ITSN1: variants seen among roughly 807,000 people sequenced by gnomAD.
ITSN1 encodes the protein intersectin-1.
A neutral mutation model predicts 239.8 loss-of-function variants in ITSN1; 58 were observed. The observed-to-expected ratio is 0.24, with a 90% CI of 0.20 to 0.30. ITSN1 has a LOEUF of 0.30. Ranked by LOEUF, ITSN1 falls within the 10% of genes least tolerant of loss-of-function variation. ITSN1 has a pLI of 1.00. For missense variants in ITSN1, 1,558 were observed against 2,103.3 expected (o/e 0.74, Z 5.07); for synonymous variants, 780 against 770.8 (o/e 1.01, Z -0.20).
rs562314559 is a variant in ITSN1, at chr21:33,699,061, G to A, written c.-32-19736G>A. On this transcript the variant is annotated intron_variant, in intron 1 of 39. Coordinates refer to ENST00000381318, the MANE Select transcript of ITSN1 (RefSeq NM_003024.3). ...ATATAGATAGATTAATACCTGAAAC[G>A]AAACCCTAACAACTCTCAAATATCA... Among the ~76,000 whole-genome samples the A allele has an allele frequency of 1.3e-3, 193 of 152,172 alleles. 1 individual carries two copies. The highest frequency in any genetic ancestry group is 3.3e-3 in the Admixed American group (50 of 15,290).
chr21:33,682,434 C>A (rs372116235), intron 1 of ITSN1, among the ~76,000 whole-genome samples: 1 of 151,862 alleles, frequency 6.6e-6, no homozygotes. Context: ...AGGCTGGTCT[C>A]GAACTCCCGA....
At chr21:33,644,039 C>T (rs2087701287) in intron 1 of ITSN1, 1 of 152,188 alleles carries the variant, frequency 6.6e-6, no homozygotes, top group Admixed American at 6.5e-5. Flanking sequence ...CACTCTAAAC[C>T]CCCAAAATAT....
intron 1 of ITSN1, among the ~76,000 whole-genome samples, chr21:33,709,817 A>G (rs1335097895): frequency 6.6e-6 from 1 of 152,090 alleles, no homozygotes; most frequent in Non-Finnish European, 1.5e-5. Context: ...GTAAATAAGG[A>G]GAGCTTTATT....
chr21:33,780,625 CTGA>C (rs2070089410), intron 14 of ITSN1, among the ~76,000 whole-genome samples: 1 of 152,100 alleles, frequency 6.6e-6, no homozygotes, highest in Non-Finnish European at 1.5e-5. Flanking sequence ...TTTTTAGCTT[CTGA>C]TGAAAAATTT....
chr21:33,649,751 T>C (rs756387323), intron 1 of ITSN1, among the ~76,000 whole-genome samples: 4 of 151,698 alleles, frequency 2.6e-5, no homozygotes, highest in African/African-American at 4.8e-5. Context: ...GCGTGGTGGC[T>C]CACACCTGTA....
chr21:33,660,823 T>G (rs1487085628), intron 1 of ITSN1, among the ~76,000 whole-genome samples: 1 of 152,214 alleles, frequency 6.6e-6, no homozygotes, highest in East Asian at 1.9e-4. Context: ...CAATAAAATC[T>G]GTTGATCCAT....
At chr21:33,803,555 G>A (rs2072176890) in intron 20 of ITSN1, among the ~76,000 whole-genome samples, 1 of 152,084 alleles carries the variant, frequency 6.6e-6, no homozygotes, top group African/African-American at 2.4e-5. Flanking sequence ...CAGCATAATT[G>A]CATTTTGGTT....
intron 16 of ITSN1, among the ~76,000 whole-genome samples, chr21:33,787,845 C>A (rs953471440): frequency 6.6e-6 from 1 of 152,154 alleles, no homozygotes; most frequent in Admixed American, 6.5e-5. Context: ...TCATTCTGTT[C>A]AAGCTAAAAT....
chr21:33,670,928 A>G (rs889264823), intron 1 of ITSN1, among the ~76,000 whole-genome samples: 2 of 152,258 alleles, frequency 1.3e-5, no homozygotes, highest in Non-Finnish European at 2.9e-5. Context: ...TTTTGGTAAA[A>G]TACAAAACAG....
intron 11 of ITSN1, 108 bp from the exon 12 acceptor site, chr21:33,771,953 T>G (rs1340131498): frequency 1.0e-5 from 13 of 1,250,316 alleles, no homozygotes; most frequent in Non-Finnish European, 1.0e-5. Flanking sequence ...TAGGGAGTTC[T>G]GGGTTTGGGT....
chr21:33,688,795 C>T (rs923637696), intron 1 of ITSN1, among the ~76,000 whole-genome samples: 4 of 151,626 alleles, frequency 2.6e-5, no homozygotes, highest in Non-Finnish European at 5.9e-5. Context: ...GAATAGTTCA[C>T]TAGTCCTTTT....
intron 26 of ITSN1, among the ~76,000 whole-genome samples, chr21:33,828,805 C>CA (rs1337015424): frequency 6.6e-6 from 1 of 152,178 alleles, no homozygotes; most frequent in Non-Finnish European, 1.5e-5. Context: ...TCTTCATACT[C>CA]AGTCTCCTGG....
At chr21:33,725,920 C>G (rs957839656) in intron 4 of ITSN1, among the ~76,000 whole-genome samples, 1 of 152,170 alleles carries the variant, frequency 6.6e-6, no homozygotes, top group Admixed American at 6.5e-5. Flanking sequence ...TTCAACTGAG[C>G]TGATTTGATA....
Position 33,882,244 on chromosome 21 carries a change from A to G in ITSN1, c.4343A>G (p.Gln1448Arg). Residue 1448 changes from glutamine (Q) to arginine (R), a missense_variant and splice_region_variant, in exon 35 of 40, where the codon CAA becomes CGA. By Grantham distance (43) the Gln-to-Arg change is conservative. Around this residue, in one of 2 missense-constraint regions of ITSN1, gnomAD observed 576 missense variants for 893.3 expected, o/e 0.64. Coordinates refer to ENST00000381318, the MANE Select transcript of ITSN1 (RefSeq NM_003024.3). This position sits in a 1 kb window ranked among gnomAD's most constrained non-coding sequence, Gnocchi z 4.5. ...TTGGGTTTTGTTTTCCTTTCTCAGC[A>G]ACTTGTGTTCAATTCAGTGACCAAT... ...AHVQCEGLSEQLVFNSVTNCL... is the reference protein window; with the variant it reads ...AHVQCEGLSERLVFNSVTNCL... 1 of 1,612,272 alleles carries G rather than the reference A, an allele frequency of 6.2e-7. No individual in the cohort carries two copies. The highest frequency in any genetic ancestry group is 8.5e-7 in the Non-Finnish European group (1 of 1,179,448).
chr21:33,765,167 C>T (rs562701247), intron 9 of ITSN1, among the ~76,000 whole-genome samples: 1 of 152,182 alleles, frequency 6.6e-6, no homozygotes, highest in South Asian at 2.1e-4. Context: ...AAAATATTTA[C>T]TACCTGACCC....
rs1312208229 is a variant in ITSN1, at chr21:33,767,763, A to G, written c.977A>G (p.Asp326Gly). ...TCTGTCATAAGCTCAACATCTGTAG[A>G]TCAGAGGCTACCAGAGGAACCAGTT... ...GISVISSTSV[D>G]QRLPEEPVLE... The change falls in exon 11 of 40, where the codon GAT becomes GGT. Residue 326 changes from aspartate (D) to glycine (G), a missense_variant. Around this residue, in one of 2 missense-constraint regions of ITSN1, gnomAD observed 982 missense variants for 1,209.9 expected, o/e 0.81. Coordinates refer to ENST00000381318, the MANE Select transcript of ITSN1 (RefSeq NM_003024.3). The G allele has an allele frequency of 6.2e-7, 1 of 1,613,550 alleles. No individual in the cohort carries two copies. Among genetic ancestry groups the G allele is most frequent in the Non-Finnish European group, 8.5e-7 (1 of 1,179,646 alleles).
At position 33,810,039 on chromosome 21, in the gene ITSN1, G is replaced by A. The variant is rs142163353; in HGVS notation, c.2320-936G>A. On this transcript the variant is annotated intron_variant, in intron 20 of 39. Coordinates refer to ENST00000381318, the MANE Select transcript of ITSN1 (RefSeq NM_003024.3). ...AACTTCCGACCTCTGGTAATCCCCC[G>A]CCTCAGCCTCCCAAAGTGCTGGGAT... Among the ~76,000 whole-genome samples the A allele has an allele frequency of 5.9e-3, 899 of 152,218 alleles. 6 individuals carry two copies. The highest frequency in any genetic ancestry group is 0.019 in the African/African-American group (809 of 41,508).
At chr21:33,647,501 A>G (rs771180156) in intron 1 of ITSN1, among the ~76,000 whole-genome samples, 6 of 151,052 alleles carry the variant, frequency 4.0e-5, no homozygotes, top group Non-Finnish European at 7.4e-5. Context: ...TTTTTTTTTA[A>G]TTTTTATTTT....
At chr21:33,709,207 G>A (rs774391581) in intron 1 of ITSN1, among the ~76,000 whole-genome samples, 1 of 152,088 alleles carries the variant, frequency 6.6e-6, no homozygotes, top group Non-Finnish European at 1.5e-5. Flanking sequence ...CAAACCCTTT[G>A]GAAAGAATGG....
Sources: gnomAD v4.1 joint callset for allele counts (sites outside exome capture counted in the v4.1 genomes callset) on GRCh38, gnomAD v4.1.1 for gene constraint, gnomAD v4.1.1 regional missense constraint, Gnocchi (gnomAD v3.1) non-coding constraint, MANE v1.5 for transcripts, NCBI Gene and HGNC (gene_info 2026-07-23, HGNC 2026-07-21) for gene names.